DCDC1: variants seen among roughly 807,000 people sequenced by gnomAD.
The protein encoded by DCDC1 is doublecortin domain-containing protein 1.
A neutral mutation model predicts 178.3 loss-of-function variants in DCDC1; 200 were observed. That is an observed-to-expected ratio of 1.12 (90% CI 1.00 to 1.26). The LOEUF (loss-of-function observed/expected upper bound fraction) is 1.26. DCDC1 is among the 50% of genes most tolerant of loss of function. The probability of loss-of-function intolerance (pLI) is 0.00; values close to 1 mark genes in which losing one functional copy is unlikely to be tolerated. For missense variants in DCDC1, 1,983 were observed against 1,749.2 expected (o/e 1.13, Z -2.38); for synonymous variants, 690 against 604.8 (o/e 1.14, Z -2.07).
chr11:30,891,388 T>A (rs1240456749), intron 36 of DCDC1, among the ~76,000 whole-genome samples: 1 of 152,138 alleles, frequency 6.6e-6, no homozygotes, highest in Non-Finnish European at 1.5e-5. Flanking sequence ...CATCCCCCAG[T>A]TAGATATAGA....
chr11:31,026,416 C>A (rs1023377664), intron 20 of DCDC1, among the ~76,000 whole-genome samples: 4 of 151,656 alleles, frequency 2.6e-5, no homozygotes, highest in Non-Finnish European at 1.5e-5. Context: ...AGTAAACTTA[C>A]GATATTGTGC....
intron 20 of DCDC1, among the ~76,000 whole-genome samples, chr11:31,010,719 A>G (rs1387568611): frequency 2.6e-5 from 4 of 152,210 alleles, no homozygotes; most frequent in African/African-American, 7.2e-5. Context: ...TTTCTAGTGA[A>G]AAATGTTTTT....
At chr11:30,870,513 A>G (rs1941444845) in intron 38 of DCDC1, among the ~76,000 whole-genome samples, 1 of 152,156 alleles carries the variant, frequency 6.6e-6, no homozygotes, top group Non-Finnish European at 1.5e-5. Context: ...AAAATTCACA[A>G]TGGGATTTAT....
intron 7 of DCDC1, among the ~76,000 whole-genome samples, chr11:31,274,567 C>A (rs1375064594): frequency 6.6e-6 from 1 of 151,224 alleles, no homozygotes; most frequent in African/African-American, 2.4e-5. Context: ...CATGGCAGAG[C>A]AAGCAGGATG....
At chr11:31,257,723 C>T (rs1311411049) in intron 8 of DCDC1, among the ~76,000 whole-genome samples, 1 of 150,818 alleles carries the variant, frequency 6.6e-6, no homozygotes, top group Admixed American at 6.6e-5. Context: ...CACACACATA[C>T]ACACACACAC....
At chr11:31,085,863 A>G (rs1208373136) in intron 17 of DCDC1, among the ~76,000 whole-genome samples, 1 of 151,968 alleles carries the variant, frequency 6.6e-6, no homozygotes, top group East Asian at 1.9e-4. Flanking sequence ...GCACACAACC[A>G]TGCTCAGATA....
chr11:30,935,705 T>C (rs113546208), intron 21 of DCDC1, among the ~76,000 whole-genome samples: 4,106 of 152,122 alleles, frequency 0.027, 182 homozygotes, highest in African/African-American at 0.093. Flanking sequence ...AGGTGAGTGC[T>C]ACCACGCCCA....
At chr11:31,250,415 C>CACATACACAT (rs1223526182) in intron 8 of DCDC1, among the ~76,000 whole-genome samples, 1 of 73,672 alleles carries the variant, frequency 1.4e-5, no homozygotes, top group South Asian at 5.4e-4. Context: ...CACACACACA[C>CACATACACAT]ATATACATAT....
rs34334567 is a variant in DCDC1, at chr11:30,944,959, CTTTTTTTT to C, written c.2715+7478_2715+7485del. ...AATCACAGACCATCAACAAAAATGT[CTTTTTTTT>C]TTTTTTTTTTTTTTTTTTTGAGACG... On this transcript the variant is annotated intron_variant, in intron 21 of 38. Coordinates refer to ENST00000684477, the MANE Select transcript of DCDC1 (RefSeq NM_001387274.1). Among the ~76,000 whole-genome samples the C allele has an allele frequency of 1.5e-4, 10 of 65,512 alleles. No individual in the cohort carries two copies. In the South Asian group the frequency reaches 4.6e-3, roughly 30 times the overall value. The allele number at this position is 65,512 out of a possible 152,430, so 43.0% of individuals were successfully genotyped here.
intron 9 of DCDC1, among the ~76,000 whole-genome samples, chr11:31,175,377 T>TGAACC (rs1367701956): frequency 1.3e-5 from 2 of 152,196 alleles, no homozygotes; most frequent in Admixed American, 1.3e-4. Context: ...CCCTAGCATC[T>TGAACC]GAACCCATGT....
chr11:30,930,928 C>T (rs1946885918), intron 22 of DCDC1, among the ~76,000 whole-genome samples: 1 of 152,086 alleles, frequency 6.6e-6, no homozygotes, highest in Non-Finnish European at 1.5e-5. Context: ...ATCATCTTTA[C>T]AGGCAGTTCA....
chr11:31,213,137 C>T (rs1028709900), intron 9 of DCDC1, among the ~76,000 whole-genome samples: 1 of 141,458 alleles, frequency 7.1e-6, no homozygotes, highest in Admixed American at 7.0e-5. Context: ...CTCTCTCTCT[C>T]TCTCTCTCTC....
chr11:31,091,420 T>C lies in DCDC1; in HGVS notation c.2210A>G (p.Glu737Gly), dbSNP rs1054658484. The C allele has an allele frequency of 1.3e-6, 1 of 758,182 alleles. No individual in the cohort carries two copies. Among genetic ancestry groups the C allele is most frequent in the Non-Finnish European group, 2.4e-6 (1 of 413,722 alleles). 47.0% of individuals were successfully genotyped at this position (758,182 alleles called of 1,614,324 possible). The change falls in exon 17 of 39, where the codon GAA becomes GGA. Residue 737 changes from glutamate (E) to glycine (G), a missense_variant. Coordinates refer to ENST00000684477, the MANE Select transcript of DCDC1 (RefSeq NM_001387274.1). Reference protein sequence around the residue: ...RVKAAEGTSLEGYKLILQKRH... With the variant: ...RVKAAEGTSLGGYKLILQKRH... ...TTTCTGTAAGATTAATTTATATCCTTCTAGTGATGTTCCCTCAGCAGCCTT... is the reference window on the plus strand; with the variant it reads ...TTTCTGTAAGATTAATTTATATCCTCCTAGTGATGTTCCCTCAGCAGCCTT...
intron 7 of DCDC1, among the ~76,000 whole-genome samples, chr11:31,268,307 T>G (rs1439899810): frequency 6.6e-6 from 1 of 152,124 alleles, no homozygotes; most frequent in Non-Finnish European, 1.5e-5. Context: ...TCAACCAAAA[T>G]TTCAGTAATT....
intron 8 of DCDC1, among the ~76,000 whole-genome samples, chr11:31,246,880 A>G (rs949557606): frequency 6.6e-6 from 1 of 152,086 alleles, no homozygotes; most frequent in African/African-American, 2.4e-5. Context: ...TGGTTTTCTT[A>G]AATACCAATG....
intron 15 of DCDC1, among the ~76,000 whole-genome samples, chr11:31,098,086 T>C (rs1306136095): frequency 6.6e-6 from 1 of 152,194 alleles, no homozygotes; most frequent in African/African-American, 2.4e-5. Context: ...ACTGAAAGGC[T>C]AGAATTAAAA....
chr11:31,219,885 A>T (rs1974047565), intron 9 of DCDC1, among the ~76,000 whole-genome samples: 2 of 152,208 alleles, frequency 1.3e-5, no homozygotes, highest in South Asian at 4.1e-4. Context: ...CAGATAAGAA[A>T]CCTGAAAACA....
At chr11:30,907,400 T>C (rs868101330) in intron 29 of DCDC1, among the ~76,000 whole-genome samples, 12 of 152,326 alleles carry the variant, frequency 7.9e-5, no homozygotes, top group South Asian at 2.1e-4. Context: ...GTGACAGTTT[T>C]GGTCCTCCAA....
intron 9 of DCDC1, among the ~76,000 whole-genome samples, chr11:31,175,313 C>A (rs1218679632): frequency 2.0e-5 from 3 of 152,292 alleles, no homozygotes; most frequent in African/African-American, 7.2e-5. Context: ...GGCCAGACCC[C>A]ACACAACCAT....
Sources: allele counts gnomAD v4.1 joint callset (sites outside exome capture counted in the v4.1 genomes callset), GRCh38; gene constraint gnomAD v4.1.1; transcripts MANE v1.5; gene names NCBI Gene and HGNC (gene_info 2026-07-23, HGNC 2026-07-21).